The following C3orf22 variants were observed in gnomAD, a reference collection of about 807,000 sequenced individuals.
C3orf22 encodes the protein uncharacterized protein C3orf22.
A neutral mutation model predicts 10.8 loss-of-function variants in C3orf22; 7 were observed. The ratio of observed to expected loss-of-function variants is 0.65; its 90% CI spans 0.37 to 1.22. C3orf22 has a LOEUF of 1.22. C3orf22 is among the 50% of genes most tolerant of loss of function. The pLI, the probability that C3orf22 is intolerant of heterozygous loss-of-function variation, is 0.02. For missense variants in C3orf22, 173 were observed against 177.0 expected (o/e 0.98, Z 0.13); for synonymous variants, 79 against 78.9 (o/e 1.00, Z 0.00).
chr3:126,549,401 A>AT (rs1396318250), downstream of C3orf22: 2 of 388,874 alleles, frequency 5.1e-6, no homozygotes, highest in Non-Finnish European at 1.0e-5. Context: ...CTGCCTCTAC[A>AT]TTTGAATGGC....
intron 4 of C3orf22, chr3:126,543,036 C>T (rs1937005403): frequency 6.5e-6 from 1 of 152,762 alleles, no homozygotes; most frequent in South Asian, 2.1e-4. Context: ...GACGAAAGCC[C>T]TCCCTTGGCT....
intron 1 of C3orf22, among the ~76,000 whole-genome samples, chr3:126,554,798 C>T (rs1937288587): frequency 1.3e-5 from 2 of 152,254 alleles, no homozygotes; most frequent in South Asian, 4.2e-4. Flanking sequence ...CATTTCGTCC[C>T]CTGAGCTGAC....
At chr3:126,550,482 G>A (rs775375602) in intron 3 of C3orf22, among the ~76,000 whole-genome samples, 9 of 152,170 alleles carry the variant, frequency 5.9e-5, no homozygotes, top group Non-Finnish European at 1.0e-4. Flanking sequence ...GACACCCTCT[G>A]TCTCCCACTC....
chr3:126,553,810 C>T (rs939273363), intron 1 of C3orf22, among the ~76,000 whole-genome samples: 2 of 151,966 alleles, frequency 1.3e-5, no homozygotes, highest in African/African-American at 4.9e-5. Flanking sequence ...TCATCCATTT[C>T]TTCCAGATCA....
chr3:126,539,797 A>ACATACCACCTACCAAAAGTGTG (rs1936899400), intron 4 of C3orf22, among the ~76,000 whole-genome samples: 1 of 58,460 alleles, frequency 1.7e-5, no homozygotes, highest in Non-Finnish European at 3.0e-5. Context: ...CACACCACAG[A>ACATACCACCTACCAAAAGTGTG]CACCACACCA....
intron 1 of C3orf22, among the ~76,000 whole-genome samples, chr3:126,555,517 G>T (rs1937306365): frequency 6.6e-6 from 1 of 152,194 alleles, no homozygotes; most frequent in African/African-American, 2.4e-5. Flanking sequence ...TGTCAGATCA[G>T]CGGCAGCATT....
intron 1 of C3orf22, among the ~76,000 whole-genome samples, chr3:126,556,463 G>A (rs895450870): frequency 4.6e-5 from 7 of 151,704 alleles, no homozygotes; most frequent in African/African-American, 1.2e-4. Context: ...TCCTCTCAGC[G>A]CCTCCTGGGT....
downstream of C3orf22, among the ~76,000 whole-genome samples, chr3:126,548,251 C>A (rs1937101155): frequency 6.6e-6 from 1 of 152,206 alleles, no homozygotes; most frequent in Non-Finnish European, 1.5e-5. Context: ...TGCCTTCAGC[C>A]TCCCAAAGTG....
intron 1 of C3orf22, among the ~76,000 whole-genome samples, chr3:126,555,791 C>A (rs1199195083): frequency 2.0e-5 from 3 of 152,206 alleles, no homozygotes; most frequent in African/African-American, 7.2e-5. Context: ...CACCCCCTAC[C>A]TTCCTGCTCC....
intron 4 of C3orf22, chr3:126,542,307 C>G: frequency 6.4e-7 from 1 of 1,568,004 alleles, no homozygotes; most frequent in Non-Finnish European, 8.6e-7. Flanking sequence ...CGCGCGCACG[C>G]GCTCTGCCAC....
At chr3:126,531,041 G>A (rs771480118) in intron 4 of C3orf22, among the ~76,000 whole-genome samples, 4 of 152,276 alleles carry the variant, frequency 2.6e-5, no homozygotes, top group South Asian at 2.1e-4. Flanking sequence ...TGCAAGGCCC[G>A]TCCAGCTGCC....
chr3:126,543,860 C>T (rs930869363), intron 4 of C3orf22, among the ~76,000 whole-genome samples: 2 of 152,130 alleles, frequency 1.3e-5, no homozygotes, highest in Non-Finnish European at 2.9e-5. Flanking sequence ...GTGGCCAACT[C>T]CAGTGGACCT....
chr3:126,542,266 G>C (rs775073093), intron 4 of C3orf22: 214 of 1,557,224 alleles, frequency 1.4e-4, no homozygotes, highest in Non-Finnish European at 1.8e-4. Flanking sequence ...CGCGCACGCG[G>C]CGTGAGGAGC....
intron 4 of C3orf22, among the ~76,000 whole-genome samples, chr3:126,535,346 C>T (rs1329562824): frequency 6.6e-6 from 1 of 151,004 alleles, no homozygotes; most frequent in East Asian, 2.0e-4. Context: ...TCCCTGTCCT[C>T]AGCCGGGAGA....
At chr3:126,543,462 T>G in intron 4 of C3orf22, among the ~76,000 whole-genome samples, 1 of 151,696 alleles carries the variant, frequency 6.6e-6, no homozygotes, top group Non-Finnish European at 1.5e-5. Context: ...CATATAGGAG[T>G]GAGGGGCTAC....
At chr3:126,557,335 T>G (rs1024150653) in intron 1 of C3orf22, among the ~76,000 whole-genome samples, 2 of 152,192 alleles carry the variant, frequency 1.3e-5, no homozygotes, top group South Asian at 2.1e-4. Flanking sequence ...CGTGACCTAC[T>G]ACCACACCTG....
chr3:126,549,284 G>A (rs112533105), downstream of C3orf22, among the ~76,000 whole-genome samples: 494 of 148,058 alleles, frequency 3.3e-3, 5 homozygotes, highest in African/African-American at 0.012. Context: ...TACACACACC[G>A]TTTTTAGTAA....
intron 4 of C3orf22, chr3:126,542,167 T>A: frequency 6.7e-7 from 1 of 1,491,204 alleles, no homozygotes; most frequent in South Asian, 1.3e-5. Context: ...CACGCATCGT[T>A]CAGCGCCTGC....
chr3:126,553,717 C>T (rs1244316130), intron 1 of C3orf22, among the ~76,000 whole-genome samples: 1 of 152,212 alleles, frequency 6.6e-6, no homozygotes, highest in African/African-American at 2.4e-5. Context: ...CTGATCTGTC[C>T]TCATCATGGG....
Sources: allele counts gnomAD v4.1 joint callset (sites outside exome capture counted in the v4.1 genomes callset), GRCh38; gene constraint gnomAD v4.1.1; transcripts MANE v1.5; gene names NCBI Gene and HGNC (gene_info 2026-07-23, HGNC 2026-07-21).